The following ART3 variants were observed in gnomAD, a reference collection of about 807,000 sequenced individuals.
The protein encoded by ART3 is ADP-ribosyltransferase 3 (inactive), also known as ecto-ADP-ribosyltransferase 3.
In ART3, 49 loss-of-function variants were observed where a neutral mutation model predicts 48.5. That is an observed-to-expected ratio of 1.01 (90% CI 0.80 to 1.28). The LOEUF is 1.28. Ranked by LOEUF, ART3 falls within the 50% of genes most tolerant of loss-of-function variation. The pLI, the probability that ART3 is intolerant of heterozygous loss-of-function variation, is 0.00. For missense variants in ART3, 438 were observed against 454.3 expected (o/e 0.96, Z 0.33); for synonymous variants, 145 against 157.2 (o/e 0.92, Z 0.58).
rs115261822 is a variant in ART3 at position 76,035,898 on chromosome 4, T to C, written c.-10+24578T>C. On this transcript the variant is annotated intron_variant, in intron 1 of 9. Transcript: ENST00000341029. ...TTTGAAACATTAGAAAAGGAACTTA[T>C]AGGTTGAGAAATAAAAATTACTGCA... The C allele has an allele frequency of 1.2e-4, 194 of 1,595,782 alleles. No homozygotes were observed. The African/African-American group carries it at 2.3e-3, about 19-fold the overall frequency.
intron 1 of ART3, among the ~76,000 whole-genome samples, chr4:76,017,355 T>A (rs926779986): frequency 1.3e-4 from 19 of 151,928 alleles, no homozygotes; most frequent in Non-Finnish European, 2.8e-4. Flanking sequence ...CCAGGGCATG[T>A]CTAGAAATGT....
intron 1 of ART3, among the ~76,000 whole-genome samples, chr4:76,014,674 G>A (rs1027792762): frequency 3.9e-5 from 6 of 152,068 alleles, no homozygotes; most frequent in Non-Finnish European, 8.8e-5. Flanking sequence ...CCAATGAAAC[G>A]TATGAATCTG....
At chr4:76,109,329 T>G (rs2109808827) in intron 11 of ART3, among the ~76,000 whole-genome samples, 1 of 152,196 alleles carries the variant, frequency 6.6e-6, no homozygotes, top group African/African-American at 2.4e-5. Context: ...GTCAGGATCA[T>G]CAATATCACT....
intron 1 of ART3, among the ~76,000 whole-genome samples, chr4:76,026,765 T>C (rs559601647): frequency 1.3e-5 from 2 of 152,346 alleles, no homozygotes; most frequent in South Asian, 4.1e-4. Flanking sequence ...GTGCATATCA[T>C]GTATATGGCC....
Position 76,082,036 on chromosome 4 carries a change from T to G in ART3, c.282T>G (p.His94Gln). ...TCCCTATGAATTTTAAGGATAACCA[T>G]GGAATAGCCCTGATGGCATATATTT... is the stretch of plus-strand genomic sequence containing the variant. ...IFLPMNFKDN[H>Q]GIALMAYISE... The change falls in exon 3 of 12, where the codon CAT becomes CAG. Residue 94 changes from histidine (H) to glutamine (Q), a missense_variant. His to Gln is a conservative substitution (Grantham distance 24). This residue lies in a region of ART3 where 206 missense variants were observed against 205.3 expected (regional missense o/e 1.00). Coordinates refer to ENST00000355810, the MANE Select transcript of ART3 (RefSeq NM_001130016.3). 6.2e-7 allele frequency: 1 copy of G among 1,614,222 alleles called. No individual in the cohort carries two copies. The highest frequency in any genetic ancestry group is 1.1e-5 in the South Asian group (1 of 91,086).
chr4:76,096,023 A>T lies in ART3; in HGVS notation c.782-1621A>T, dbSNP rs141304235. 4.3e-3 allele frequency among the ~76,000 whole-genome samples: 652 copies of T among 152,128 alleles called. 3 individuals carry two copies. Among genetic ancestry groups the T allele is most frequent in the Middle Eastern group, 6.8e-3 (2 of 294 alleles). On this transcript the variant is annotated intron_variant, in intron 3 of 11. Coordinates refer to ENST00000355810, the MANE Select transcript of ART3 (RefSeq NM_001130016.3). ...CTGCAAACTCTGCCTCCCATGTTCA[A>T]GTGATTCTCCAGCCTCAGCCTCCCG...
intron 3 of ART3, among the ~76,000 whole-genome samples, chr4:76,086,063 C>CA (rs199684507): frequency 0.012 from 1,816 of 150,864 alleles, 43 homozygotes; most frequent in African/African-American, 0.041. Context: ...CAAGAGTCCC[C>CA]CCCCCCGCTC....
intron 1 of ART3, among the ~76,000 whole-genome samples, chr4:76,067,409 G>T (rs1316972359): frequency 6.6e-6 from 1 of 152,098 alleles, no homozygotes; most frequent in Admixed American, 6.5e-5. Context: ...TTTGTCTTTA[G>T]AATGCCCAAT....
chr4:76,101,946 A>G (rs897163005), intron 8 of ART3, among the ~76,000 whole-genome samples: 3 of 152,362 alleles, frequency 2.0e-5, no homozygotes. Flanking sequence ...TTAGAGATGA[A>G]CACAAAGATT....
chr4:76,053,540 G>A (rs886815732), intron 1 of ART3, among the ~76,000 whole-genome samples: 2 of 152,044 alleles, frequency 1.3e-5, no homozygotes, highest in African/African-American at 4.8e-5. Flanking sequence ...CAAGTCTACT[G>A]CCAAGTTAAT....
At chr4:76,029,760 TC>T (rs1355315316) in intron 1 of ART3, among the ~76,000 whole-genome samples, 1 of 152,202 alleles carries the variant, frequency 6.6e-6, no homozygotes, top group Non-Finnish European at 1.5e-5. Context: ...TCTTTCCTTT[TC>T]TAATAGCATT....
At position 76,058,854 on chromosome 4, in the gene ART3, T is replaced by C. The variant is rs941319556; in HGVS notation, c.-9-17027T>C. Among the ~76,000 whole-genome samples, 3 of 152,288 alleles carry C rather than the reference T, an allele frequency of 2.0e-5. No homozygotes were observed. In the East Asian group the frequency reaches 5.8e-4, roughly 29 times the overall value. On this transcript the variant is annotated intron_variant, in intron 1 of 9. Coordinates refer to the ART3 transcript ENST00000341029. ...ATTGAGCAAAGAATGATTTGTGAATTGGGTAGCCCCTCAACCAGAATAGAG... is the reference window on the plus strand; with the variant it reads ...ATTGAGCAAAGAATGATTTGTGAATCGGGTAGCCCCTCAACCAGAATAGAG...
chr4:76,031,924 A>G (rs4302486), intron 1 of ART3, among the ~76,000 whole-genome samples: 92,927 of 151,962 alleles, frequency 0.61, 29,490 homozygotes, highest in East Asian at 0.94. Flanking sequence ...TAATCTAGTT[A>G]AAGCTGAAGT....
chr4:76,105,182 C>T (rs114927785), intron 10 of ART3, among the ~76,000 whole-genome samples: 2 of 152,166 alleles, frequency 1.3e-5, no homozygotes, highest in African/African-American at 4.8e-5. Context: ...TACATCTCTT[C>T]AGCTCGCTAG....
At chr4:76,033,699 G>T (rs946489594) in intron 1 of ART3, 3 of 152,120 alleles carry the variant, frequency 2.0e-5, no homozygotes, top group African/African-American at 7.2e-5. Context: ...AAAAAAGAAA[G>T]GTTGTGGTAG....
intron 1 of ART3, among the ~76,000 whole-genome samples, chr4:76,062,391 A>G (rs930704712): frequency 1.5e-4 from 23 of 152,168 alleles, no homozygotes; most frequent in African/African-American, 5.3e-4. Context: ...TATACAGTTT[A>G]GTCAATATAA....
intron 11 of ART3, among the ~76,000 whole-genome samples, chr4:76,111,241 T>A (rs1263586252): frequency 6.6e-6 from 1 of 152,154 alleles, no homozygotes; most frequent in African/African-American, 2.4e-5. Context: ...GTATTTTTTG[T>A]CATGTTTGGT....
In ART3 at chr4:76,112,504, CT is replaced by C. The variant is rs1729684673; in HGVS notation, c.1158del (p.Phe386LeufsTer17). ...ILISVSAINL[F>X]VAL ...TAATCAGTGTTTCTGCTATAAATCT[CT>C]TTGTTGCTCTGTAGTTTGATGCATT... On this transcript the variant is annotated frameshift_variant, in exon 12 of 12. Transcript: ENST00000355810. LOFTEE classifies it high-confidence loss of function. 1 of 1,613,388 alleles carries C rather than the reference CT, an allele frequency of 6.2e-7. No individual in the cohort carries two copies. Among genetic ancestry groups the C allele is most frequent in the African/African-American group, 1.3e-5 (1 of 75,012 alleles).
chr4:76,096,079 C>T (rs556962281), intron 3 of ART3, among the ~76,000 whole-genome samples: 14 of 152,218 alleles, frequency 9.2e-5, no homozygotes, highest in African/African-American at 2.4e-4. Flanking sequence ...CGCACCATCA[C>T]GCTGGACTAA....
Sources: gnomAD v4.1 joint callset for allele counts (sites outside exome capture counted in the v4.1 genomes callset) on GRCh38, gnomAD v4.1.1 for gene constraint, gnomAD v4.1.1 regional missense constraint, MANE v1.5 for transcripts, NCBI Gene and HGNC (gene_info 2026-07-23, HGNC 2026-07-21) for gene names.